Variants in PARP6 observed in about 807,000 individuals in gnomAD.
The protein encoded by PARP6 is protein mono-ADP-ribosyltransferase PARP6.
In PARP6, 27 loss-of-function variants were observed where a neutral mutation model predicts 92.0. The ratio of observed to expected loss-of-function variants is 0.29; its 90% CI spans 0.22 to 0.40. The LOEUF (loss-of-function observed/expected upper bound fraction) is 0.40, where lower values mean the gene tolerates loss of function less well. PARP6 is among the 10% of genes least tolerant of loss of function. The pLI is 1.00. For missense variants in PARP6, 501 were observed against 784.5 expected (o/e 0.64, Z 4.32); for synonymous variants, 272 against 281.2 (o/e 0.97, Z 0.33).
At chr15:72,260,139 T>C (rs1455012060) in intron 10 of PARP6, among the ~76,000 whole-genome samples, 4 of 152,146 alleles carry the variant, frequency 2.6e-5, no homozygotes, top group African/African-American at 7.2e-5. Context: ...CTGGCCAACA[T>C]GGCAAAAGCC....
At chr15:72,257,558 A>C (rs989192717) in intron 12 of PARP6, 118 bp from the exon 13 acceptor site, 2 of 725,822 alleles carry the variant, frequency 2.8e-6, no homozygotes, top group East Asian at 2.5e-5. Flanking sequence ...GAGGCCCTCT[A>C]TATCAGGAGA....
At chr15:72,269,772 G>A (rs1468033878) in intron 2 of PARP6, among the ~76,000 whole-genome samples, 2 of 151,716 alleles carry the variant, frequency 1.3e-5, no homozygotes, top group Non-Finnish European at 2.9e-5. Flanking sequence ...GGTGGTGCAC[G>A]CCTGTAATCC....
chr15:72,253,595 G>T, intron 15 of PARP6, 91 bp from the exon 16 acceptor site: 2 of 1,043,540 alleles, frequency 1.9e-6, no homozygotes, highest in Non-Finnish European at 2.9e-6. Flanking sequence ...AGGGTCCAGG[G>T]CAAGGTAGGC....
At chr15:72,267,767 T>G in intron 2 of PARP6, 96 bp from the exon 3 acceptor site, 1 of 334,582 alleles carries the variant, frequency 3.0e-6, no homozygotes. Flanking sequence ...CTTTTTTTTT[T>G]TGAGACAGAG....
chr15:72,269,913 A>G (rs1397640190), intron 2 of PARP6, among the ~76,000 whole-genome samples: 4 of 151,248 alleles, frequency 2.6e-5, no homozygotes, highest in Admixed American at 2.0e-4. Context: ...AAAAAAAAAA[A>G]AAAAAGAAAA....
At position 72,267,511 on chromosome 15, in the gene PARP6, T is replaced by C. The variant is rs760566399; in HGVS notation, c.-34A>G. Reference sequence around the variant, plus strand: ...TGGGTCACACACACTCTCAGGTCAGTGCTAGGCAGCACCCCTCCATACCAC... The same window carrying C: ...TGGGTCACACACACTCTCAGGTCAGCGCTAGGCAGCACCCCTCCATACCAC... On this transcript the variant is annotated 5_prime_UTR_variant, in exon 3 of 24. Coordinates refer to ENST00000569795, the MANE Select transcript of PARP6 (RefSeq NM_001323532.2). 6.2e-7 allele frequency: 1 copy of C among 1,613,774 alleles called. No homozygotes were observed. The highest frequency in any genetic ancestry group is 2.2e-5 in the East Asian group (1 of 44,864).
intron 8 of PARP6, among the ~76,000 whole-genome samples, chr15:72,262,105 A>G (rs2085969704): frequency 6.6e-6 from 1 of 152,246 alleles, no homozygotes; most frequent in African/African-American, 2.4e-5. Flanking sequence ...GAGTAGGGAC[A>G]TAAGGGGTAC....
At chr15:72,258,281 T>G (rs1018743872) in intron 11 of PARP6, 149 bp from the exon 12 acceptor site, 25 of 652,958 alleles carry the variant, frequency 3.8e-5, no homozygotes, top group Non-Finnish European at 2.2e-5. Flanking sequence ...CTTAAACTGA[T>G]GGCCTGACTG....
chr15:72,269,211 A>C (rs2087023804), intron 2 of PARP6, among the ~76,000 whole-genome samples: 1 of 152,068 alleles, frequency 6.6e-6, no homozygotes. Context: ...CCCAGGCTGG[A>C]GTGCAATGGT....
At chr15:72,252,731 C>T (rs1043206461) in intron 16 of PARP6, among the ~76,000 whole-genome samples, 2 of 152,106 alleles carry the variant, frequency 1.3e-5, no homozygotes, top group East Asian at 1.9e-4. Context: ...GTGATCCGCC[C>T]GCCTCGGCCT....
At chr15:72,251,321 C>A (rs566553716) in intron 16 of PARP6, 66 bp from the exon 17 acceptor site, 1,346 of 922,140 alleles carry the variant, frequency 1.5e-3, no homozygotes, top group East Asian at 5.8e-3. Flanking sequence ...CCTTTCTGAA[C>A]AAGCCAGTCT....
In PARP6 at chr15:72,250,104, G is replaced by A. The variant is rs1030769067; in HGVS notation, c.1419-12C>T. On this transcript the variant is annotated splice_polypyrimidine_tract_variant and intron_variant, in intron 18 of 23. Coordinates refer to ENST00000569795, the MANE Select transcript of PARP6 (RefSeq NM_001323532.2). Reference sequence around the variant, plus strand: ...CAATGTGGGACCCACTGTAAGGCAGGGTAGAATACATGTCTCCTTATGATA... The same window carrying A: ...CAATGTGGGACCCACTGTAAGGCAGAGTAGAATACATGTCTCCTTATGATA... The A allele has an allele frequency of 6.3e-7, 1 of 1,577,598 alleles. No individual in the cohort carries two copies. The highest frequency in any genetic ancestry group is 8.7e-7 in the Non-Finnish European group (1 of 1,146,836).
In PARP6 at chr15:72,259,721, C is replaced by T. The variant is rs773226668; in HGVS notation, c.757-60G>A. On this transcript the variant is annotated intron_variant, in intron 10 of 23. Coordinates refer to ENST00000569795, the MANE Select transcript of PARP6 (RefSeq NM_001323532.2). ...CCTATGAAGCTGGGGCCTAGACAGA[C>T]CTGACTCTTGCCTATCACCTAGGAC... 1,293 of 1,452,162 alleles carry T rather than the reference C, an allele frequency of 8.9e-4. 3 individuals carry two copies. Among genetic ancestry groups the T allele is most frequent in the Non-Finnish European group, 9.3e-4 (965 of 1,036,616 alleles). 90.0% of individuals were successfully genotyped at this position (1,452,162 alleles called of 1,614,324 possible).
chr15:72,250,038 T>C lies in PARP6; in HGVS notation c.1473A>G (p.Ala491=). ...GCCTCACCTGCAGTTTGGTGTAGGATGCATTGACCAGCCCATTGCGCAGGA... is the reference window on the plus strand; with the variant it reads ...GCCTCACCTGCAGTTTGGTGTAGGACGCATTGACCAGCCCATTGCGCAGGA... The part of the protein sequence containing the change: ...HSILRNGLVN[A]SYTKLQLHGA... Residue 491 remains alanine (A), a synonymous_variant, in exon 19 of 24, where the codon GCA becomes GCG. Transcript: ENST00000569795. The C allele has an allele frequency of 6.2e-7, 1 of 1,608,702 alleles. No individual in the cohort carries two copies. Among genetic ancestry groups the C allele is most frequent in the Non-Finnish European group, 8.5e-7 (1 of 1,175,048 alleles).
At chr15:72,269,223 C>G (rs771443951) in intron 2 of PARP6, among the ~76,000 whole-genome samples, 2 of 152,034 alleles carry the variant, frequency 1.3e-5, no homozygotes, top group Non-Finnish European at 2.9e-5. Flanking sequence ...TGCAATGGTG[C>G]GATCTCGGCT....
In PARP6 at chr15:72,242,058, T is replaced by C. The variant is rs1225071261; in HGVS notation, c.1706-73A>G. The C allele has an allele frequency of 1.5e-5, 22 of 1,455,678 alleles. No homozygotes were observed. The highest frequency in any genetic ancestry group is 3.5e-4 in the Middle Eastern group (2 of 5,732). 90.2% of individuals were successfully genotyped at this position (1,455,678 alleles called of 1,614,324 possible). On this transcript the variant is annotated intron_variant, in intron 22 of 23. Coordinates refer to ENST00000569795, the MANE Select transcript of PARP6 (RefSeq NM_001323532.2). This position sits in a 1 kb window ranked among gnomAD's most constrained non-coding sequence, Gnocchi z 4.3. ...GAGTCCAGGCAGGAGAAGGAAGCCATGCCACTTCAACATCACTCTTGGCCA... is the reference window on the plus strand; with the variant it reads ...GAGTCCAGGCAGGAGAAGGAAGCCACGCCACTTCAACATCACTCTTGGCCA...
At chr15:72,251,137 A>G in intron 17 of PARP6, 70 bp downstream of exon 17, 4 of 1,101,716 alleles carry the variant, frequency 3.6e-6, no homozygotes, top group Non-Finnish European at 5.6e-6. Flanking sequence ...CAATATGGTT[A>G]GCTGGCTTCC....
At chr15:72,243,141 G>A (rs896714908) in intron 20 of PARP6, 2 of 160,888 alleles carry the variant, frequency 1.2e-5, no homozygotes, top group African/African-American at 4.8e-5. Flanking sequence ...AAATGATGTA[G>A]AAGAGGCAAG....
intron 16 of PARP6, among the ~76,000 whole-genome samples, chr15:72,251,660 G>A (rs1418148659): frequency 6.6e-6 from 1 of 152,224 alleles, no homozygotes; most frequent in South Asian, 2.1e-4. Context: ...TTTAGACTCA[G>A]ATTCAGACCT....
Sources: gnomAD v4.1 joint callset for allele counts (sites outside exome capture counted in the v4.1 genomes callset) on GRCh38, gnomAD v4.1.1 for gene constraint, Gnocchi (gnomAD v3.1) non-coding constraint, MANE v1.5 for transcripts, NCBI Gene and HGNC (gene_info 2026-07-23, HGNC 2026-07-21) for gene names.